EXT1: variants seen among roughly 807,000 people sequenced by gnomAD.
EXT1 encodes exostosin glycosyltransferase 1.
A neutral mutation model predicts 82.5 loss-of-function variants in EXT1; 20 were observed. That is an observed-to-expected ratio of 0.24 (90% CI 0.17 to 0.35). The LOEUF (loss-of-function observed/expected upper bound fraction) is 0.35. Among genes scored for constraint, EXT1 ranks in the 10% least tolerant of loss-of-function variants. The probability of loss-of-function intolerance (pLI) is 1.00; values close to 1 mark genes in which losing one functional copy is unlikely to be tolerated. For missense variants in EXT1, 757 were observed against 936.5 expected (o/e 0.81, Z 2.50); for synonymous variants, 348 against 350.8 (o/e 0.99, Z 0.09).
intron 1 of EXT1, among the ~76,000 whole-genome samples, chr8:117,902,906 T>C (rs561841814): frequency 3.3e-5 from 5 of 152,370 alleles, no homozygotes; most frequent in African/African-American, 1.2e-4. Flanking sequence ...TTTCTTTCTT[T>C]AGCTCCTTAG....
At position 117,798,752 on chromosome 8, in the gene EXT1, T is replaced by C. The variant is rs1334815447; in HGVS notation, c.*960A>G. 3 of 152,172 alleles carry C rather than the reference T, an allele frequency of 2.0e-5. No individual in the cohort carries two copies. The highest frequency in any genetic ancestry group is 4.4e-5 in the Non-Finnish European group (3 of 68,034). The allele number at this position is 152,172 out of a possible 1,614,324, so 9.4% of individuals were successfully genotyped here. A position where few individuals can be genotyped will look rare whatever the true frequency, so the allele number is the denominator to read the frequency against. ...TGAAACTTGAGATTCTCACAAACAT[T>C]AAAGAGTTCATCTTGTAAATAATCT... On this transcript the variant is annotated 3_prime_UTR_variant, in exon 11 of 11. Transcript: ENST00000378204.
At chr8:117,866,178 T>A (rs1812771456) in intron 1 of EXT1, among the ~76,000 whole-genome samples, 1 of 152,180 alleles carries the variant, frequency 6.6e-6, no homozygotes, top group African/African-American at 2.4e-5. Context: ...TGAGCTGAGA[T>A]TGCGGCACTG....
At chr8:117,841,131 G>A (rs1406507415) in intron 1 of EXT1, among the ~76,000 whole-genome samples, 1 of 152,200 alleles carries the variant, frequency 6.6e-6, no homozygotes, top group Non-Finnish European at 1.5e-5. Context: ...GTTCACAGCA[G>A]TTTGTCTGTA....
intron 1 of EXT1, among the ~76,000 whole-genome samples, chr8:117,954,523 T>A (rs1290832996): frequency 6.6e-6 from 1 of 152,210 alleles, no homozygotes; most frequent in African/African-American, 2.4e-5. Flanking sequence ...CCCACTCTAT[T>A]CGTTGTTATT....
intron 1 of EXT1, among the ~76,000 whole-genome samples, chr8:117,946,196 G>A (rs953310550): frequency 1.3e-5 from 2 of 152,166 alleles, no homozygotes; most frequent in Non-Finnish European, 2.9e-5. Context: ...ACCGCGCCTG[G>A]CCTAGATTAC....
intron 1 of EXT1, among the ~76,000 whole-genome samples, chr8:117,896,819 C>T (rs969137353): frequency 1.3e-5 from 2 of 152,190 alleles, no homozygotes; most frequent in African/African-American, 4.8e-5. Context: ...AAAGAACAAG[C>T]GACAAACAGA....
At chr8:117,802,282 C>T (rs1291226397) in intron 10 of EXT1, among the ~76,000 whole-genome samples, 1 of 152,068 alleles carries the variant, frequency 6.6e-6, no homozygotes, top group Non-Finnish European at 1.5e-5. Context: ...TAGAATTCCC[C>T]ACTTAGTGAG....
intron 1 of EXT1, among the ~76,000 whole-genome samples, chr8:118,074,820 T>C (rs1817175911): frequency 6.6e-6 from 1 of 152,176 alleles, no homozygotes. Context: ...TTTACAACTC[T>C]GTTAAATGCA....
At chr8:118,024,466 A>G (rs1373226896) in intron 1 of EXT1, among the ~76,000 whole-genome samples, 1 of 152,120 alleles carries the variant, frequency 6.6e-6, no homozygotes, top group African/African-American at 2.4e-5. Flanking sequence ...ACTATGATCT[A>G]CGGAGATCCT....
At chr8:118,037,062 CA>C (rs1234350825) in intron 1 of EXT1, among the ~76,000 whole-genome samples, 1 of 152,134 alleles carries the variant, frequency 6.6e-6, no homozygotes, top group Non-Finnish European at 1.5e-5. Flanking sequence ...ACACTGGCCT[CA>C]AAAACACTCG....
At chr8:117,840,759 T>G (rs956387917) in intron 1 of EXT1, among the ~76,000 whole-genome samples, 9 of 152,098 alleles carry the variant, frequency 5.9e-5, no homozygotes, top group African/African-American at 2.2e-4. Context: ...AGGATTTGAA[T>G]AAACATTTTT....
chr8:117,999,326 C>A, intron 1 of EXT1, among the ~76,000 whole-genome samples: 1 of 152,188 alleles, frequency 6.6e-6, no homozygotes, highest in East Asian at 1.9e-4. Context: ...TTAACTCCTA[C>A]ACTCCAATCA....
At chr8:117,891,942 G>C (rs1029972461) in intron 1 of EXT1, among the ~76,000 whole-genome samples, 1 of 151,912 alleles carries the variant, frequency 6.6e-6, no homozygotes, top group Admixed American at 6.6e-5. Context: ...GAGTAGCTGG[G>C]ATTACAGGCA....
intron 1 of EXT1, among the ~76,000 whole-genome samples, chr8:117,966,428 T>C (rs1340275157): frequency 6.6e-6 from 1 of 152,228 alleles, no homozygotes; most frequent in Non-Finnish European, 1.5e-5. Context: ...CAAGGTCTGT[T>C]ATATTAATAA....
intron 1 of EXT1, among the ~76,000 whole-genome samples, chr8:117,845,963 T>TCTGTCATCTCTC (rs1812352464): frequency 6.6e-6 from 1 of 152,296 alleles, no homozygotes; most frequent in South Asian, 2.1e-4. Flanking sequence ...CACGACCAGC[T>TCTGTCATCTCTC]CTGTCATCTC....
chr8:117,931,228 C>T (rs890992537), intron 1 of EXT1, among the ~76,000 whole-genome samples: 4 of 152,162 alleles, frequency 2.6e-5, no homozygotes, highest in South Asian at 2.1e-4. Context: ...TCTATGGAGT[C>T]GCCCTGAATT....
intron 1 of EXT1, among the ~76,000 whole-genome samples, chr8:118,097,412 A>G (rs1811528): frequency 0.58 from 88,749 of 151,976 alleles, 26,534 homozygotes; most frequent in Middle Eastern, 0.73. Context: ...GCCCCACTGC[A>G]CTCCAGCCTG....
intron 1 of EXT1, among the ~76,000 whole-genome samples, chr8:118,039,111 A>C (rs1200975408): frequency 6.6e-6 from 1 of 152,248 alleles, no homozygotes; most frequent in Non-Finnish European, 1.5e-5. Context: ...CACTCAGCAT[A>C]ATAAACATTT....
chr8:118,030,458 T>C (rs1816289609), intron 1 of EXT1, among the ~76,000 whole-genome samples: 1 of 148,732 alleles, frequency 6.7e-6, no homozygotes, highest in Non-Finnish European at 1.5e-5. Context: ...GTCTACAGTT[T>C]AGAAAGAGAA....
Sources: gnomAD v4.1 joint callset for allele counts (sites outside exome capture counted in the v4.1 genomes callset) on GRCh38, gnomAD v4.1.1 for gene constraint, MANE v1.5 for transcripts, NCBI Gene and HGNC (gene_info 2026-07-23, HGNC 2026-07-21) for gene names.